RUNX2: variants seen among roughly 807,000 people sequenced by gnomAD.
RUNX2 encodes the protein runt-related transcription factor 2.
In RUNX2, 10 loss-of-function variants were observed where a neutral mutation model predicts 51.7. The observed-to-expected ratio is 0.19, with a 90% CI of 0.12 to 0.33. RUNX2 has a LOEUF of 0.33. Ranked by LOEUF, RUNX2 falls within the 10% of genes least tolerant of loss-of-function variation. The pLI, the probability that RUNX2 is intolerant of heterozygous loss-of-function variation, is 1.00. For missense variants in RUNX2, 562 were observed against 691.3 expected, an observed-to-expected ratio of 0.81 and a Z score of 2.10; for synonymous variants, 276 against 273.6, an observed-to-expected ratio of 1.01 and a Z score of -0.09.
intron 2 of RUNX2, among the ~76,000 whole-genome samples, chr6:45,395,682 G>A (rs1179471619): frequency 1.3e-5 from 2 of 152,112 alleles, no homozygotes; most frequent in African/African-American, 2.4e-5. Context: ...ACTTTTTTGA[G>A]ACAGGGTCTT....
chr6:45,514,371 G>T (rs1801255449), intron 7 of RUNX2, among the ~76,000 whole-genome samples: 1 of 152,166 alleles, frequency 6.6e-6, no homozygotes. Flanking sequence ...CCATTTCACA[G>T]GTAGGGAGGC....
rs149642189 is a variant in RUNX2, at chr6:45,475,057, G to A, written c.686-16884G>A. ...GAGAGTCGCTTGAACCTGGGAGGTG[G>A]AGGCTGCAATGAGCCAAGATTGCAC... On this transcript the variant is annotated intron_variant, in intron 5 of 8. Coordinates refer to ENST00000647337, the MANE Select transcript of RUNX2 (RefSeq NM_001024630.4). Among the ~76,000 whole-genome samples the A allele has an allele frequency of 6.2e-3, 937 of 151,550 alleles. 7 individuals are homozygous for A. The highest frequency in any genetic ancestry group is 0.021 in the African/African-American group (875 of 41,238).
chr6:45,495,084 A>T (rs1800608096), intron 6 of RUNX2, among the ~76,000 whole-genome samples: 1 of 152,192 alleles, frequency 6.6e-6, no homozygotes, highest in Non-Finnish European at 1.5e-5. Context: ...TTCAGGAAAA[A>T]GTTCTGGAAC....
chr6:45,343,087 C>T (rs1790147531), intron 2 of RUNX2, among the ~76,000 whole-genome samples: 1 of 152,208 alleles, frequency 6.6e-6, no homozygotes, highest in Non-Finnish European at 1.5e-5. Context: ...CTACACTGAT[C>T]TGACAAAAGC....
At chr6:45,454,272 T>C (rs1048160128) in intron 5 of RUNX2, among the ~76,000 whole-genome samples, 2 of 152,230 alleles carry the variant, frequency 1.3e-5, no homozygotes, top group Non-Finnish European at 2.9e-5. Context: ...CCTTCTGTGG[T>C]ATGGAGGCAC....
chr6:45,448,752 G>C (rs1178175117), intron 5 of RUNX2, among the ~76,000 whole-genome samples: 2 of 152,076 alleles, frequency 1.3e-5, no homozygotes, highest in South Asian at 2.1e-4. Flanking sequence ...GGGTAAAAAC[G>C]CTAGCATGTA....
At chr6:45,545,308 T>TGGGCA in intron 8 of RUNX2, 26 bp downstream of exon 8, 1 of 1,522,402 alleles carries the variant, frequency 6.6e-7, no homozygotes, top group Non-Finnish European at 8.9e-7. Context: ...ATTGCTGGGC[T>TGGGCA]GGGCAGGGCT....
intron 2 of RUNX2, chr6:45,422,066 G>A (rs1282260663): frequency 6.8e-6 from 1 of 147,852 alleles, no homozygotes; most frequent in Non-Finnish European, 1.5e-5. Flanking sequence ...GGGCGGAGGC[G>A]CGGCCGCCTG....
intron 2 of RUNX2, among the ~76,000 whole-genome samples, chr6:45,414,369 G>A (rs1798018145): frequency 6.6e-6 from 1 of 151,946 alleles, no homozygotes; most frequent in Non-Finnish European, 1.5e-5. Context: ...TCCCTTTAAT[G>A]TTCCAACACA....
At chr6:45,418,576 T>TA (rs1400982203) in intron 2 of RUNX2, among the ~76,000 whole-genome samples, 1 of 152,236 alleles carries the variant, frequency 6.6e-6, no homozygotes. Flanking sequence ...TACACATATG[T>TA]AAAACCTCAT....
At chr6:45,339,799 C>A (rs1231335898) in intron 2 of RUNX2, among the ~76,000 whole-genome samples, 1 of 152,016 alleles carries the variant, frequency 6.6e-6, no homozygotes, top group Non-Finnish European at 1.5e-5. Context: ...TTTGAAAAAT[C>A]AATGTAACTA....
At chr6:45,439,167 C>A (rs1054486487) in intron 5 of RUNX2, among the ~76,000 whole-genome samples, 1 of 152,186 alleles carries the variant, frequency 6.6e-6, no homozygotes, top group African/African-American at 2.4e-5. Context: ...CAAAGGCTGA[C>A]TGCTTGCCTG....
intron 5 of RUNX2, among the ~76,000 whole-genome samples, chr6:45,440,568 A>C (rs1397903676): frequency 6.6e-6 from 1 of 152,232 alleles, no homozygotes; most frequent in Non-Finnish European, 1.5e-5. Flanking sequence ...CAGCATAAGC[A>C]AATACATACA....
rs398048486 is a variant in RUNX2, at chr6:45,399,349, C to CTTTTTTTTTTTTTTTTTT, written c.59-23233_59-23216dup. The stretch of plus-strand genomic sequence containing the variant: ...CTTTCTCATTTCTTTCTTTTCTTTC[C>CTTTTTTTTTTTTTTTTTT]TTTTTTTTTTTTTTTTTTTTTTTTT... On this transcript the variant is annotated intron_variant, in intron 2 of 8. Coordinates refer to ENST00000647337, the MANE Select transcript of RUNX2 (RefSeq NM_001024630.4). 1.6e-4 allele frequency among the ~76,000 whole-genome samples: 9 copies of CTTTTTTTTTTTTTTTTTT among 57,346 alleles called. 2 individuals are homozygous for CTTTTTTTTTTTTTTTTTT. Among genetic ancestry groups the CTTTTTTTTTTTTTTTTTT allele is most frequent in the Non-Finnish European group, 2.4e-4 (7 of 29,036 alleles). 37.6% of individuals were successfully genotyped at this position (57,346 alleles called of 152,430 possible).
At chr6:45,507,199 A>G (rs1582185772) in intron 6 of RUNX2, among the ~76,000 whole-genome samples, 1 of 152,058 alleles carries the variant, frequency 6.6e-6, no homozygotes, top group African/African-American at 2.4e-5. Context: ...ACACCATCCA[A>G]TATAACTCTG....
intron 7 of RUNX2, among the ~76,000 whole-genome samples, chr6:45,534,052 G>A (rs997861011): frequency 6.6e-5 from 10 of 151,872 alleles, no homozygotes; most frequent in Admixed American, 1.3e-4. Flanking sequence ...CCGCCATCAC[G>A]CCTGGCTAAT....
rs1176904403 is a variant in RUNX2, at chr6:45,549,898, C to CAAA, written c.*2593_*2594insAAA. The CAAA allele has an allele frequency of 4.6e-5, 7 of 152,770 alleles. No individual in the cohort carries two copies. Among genetic ancestry groups the CAAA allele is most frequent in the African/African-American group, 1.7e-4 (7 of 41,562 alleles). The allele number at this position is 152,770 out of a possible 1,614,324, so 9.5% of individuals were successfully genotyped here. A position where few individuals can be genotyped will look rare whatever the true frequency, so the allele number is the denominator to read the frequency against. ...TTGGGAAAAATTCAAGCACTTCTTC[C>CAAA]CTCCACCCTCACTCCAACCACCCCA... On this transcript the variant is annotated 3_prime_UTR_variant, in exon 9 of 9. Transcript: ENST00000647337.
In RUNX2 at chr6:45,388,593, C is replaced by A. The variant is rs1277228148; in HGVS notation, c.59-34000C>A. 2.0e-5 allele frequency among the ~76,000 whole-genome samples: 3 copies of A among 152,206 alleles called. No individual in the cohort carries two copies. In the East Asian group the frequency reaches 5.8e-4, roughly 29 times the overall value. Reference sequence around the variant, plus strand: ...AGAACAACTTGCACTAGAGCATCTACAGAATTTGTGACTCCTCCAACTAGC... The same window carrying A: ...AGAACAACTTGCACTAGAGCATCTAAAGAATTTGTGACTCCTCCAACTAGC... On this transcript the variant is annotated intron_variant, in intron 2 of 8. Transcript: ENST00000647337.
At chr6:45,488,537 G>C (rs1035048242) in intron 5 of RUNX2, among the ~76,000 whole-genome samples, 1 of 152,148 alleles carries the variant, frequency 6.6e-6, no homozygotes, top group Admixed American at 6.6e-5. Context: ...TTGGGCAGTG[G>C]TTCTCAATCC....
Sources: gnomAD v4.1 joint callset for allele counts (sites outside exome capture counted in the v4.1 genomes callset) on GRCh38, gnomAD v4.1.1 for gene constraint, MANE v1.5 for transcripts, NCBI Gene and HGNC (gene_info 2026-07-23, HGNC 2026-07-21) for gene names.